UNC79: variants seen among roughly 807,000 people sequenced by gnomAD.
The protein encoded by UNC79 is unc-79 subunit of NALCN channel complex.
Under a neutral mutation model 283.1 loss-of-function variants are expected in UNC79, and 37 were observed. That is an observed-to-expected ratio of 0.13 (90% CI 0.10 to 0.17). The LOEUF (loss-of-function observed/expected upper bound fraction) is 0.17. Among genes scored for constraint, UNC79 ranks in the 10% least tolerant of loss-of-function variants. UNC79 has a pLI of 1.00. For synonymous variants in UNC79, 1,107 were observed against 1,200.2 expected (o/e 0.92, Z 1.61); for missense variants, 2,272 against 3,211.1 (o/e 0.71, Z 7.07).
intron 1 of UNC79, among the ~76,000 whole-genome samples, chr14:93,395,714 T>C (rs1288654362): frequency 6.6e-6 from 1 of 152,230 alleles, no homozygotes; most frequent in African/African-American, 2.4e-5. Flanking sequence ...CTTAGTACTT[T>C]GAATATGTCA....
At chr14:93,350,594 T>C (rs1310276574) in intron 1 of UNC79, among the ~76,000 whole-genome samples, 1 of 152,218 alleles carries the variant, frequency 6.6e-6, no homozygotes, top group Non-Finnish European at 1.5e-5. Flanking sequence ...ATAGTCTTTC[T>C]AAAGGTTAGC....
chr14:93,537,404 G>A (rs1276002466), intron 11 of UNC79, among the ~76,000 whole-genome samples: 1 of 152,232 alleles, frequency 6.6e-6, no homozygotes, highest in African/African-American at 2.4e-5. Context: ...AGTGCCGGTG[G>A]GCATGGGAAG....
intron 1 of UNC79, among the ~76,000 whole-genome samples, chr14:93,414,446 GA>G (rs992567942): frequency 6.6e-6 from 1 of 152,166 alleles, no homozygotes; most frequent in African/African-American, 2.4e-5. Context: ...AGTATAGTTT[GA>G]AGTCAGGTAG....
At chr14:93,499,939 T>C (rs539340950) in intron 7 of UNC79, among the ~76,000 whole-genome samples, 2 of 151,686 alleles carry the variant, frequency 1.3e-5, no homozygotes, top group East Asian at 3.9e-4. Flanking sequence ...GATAGCATGA[T>C]AGTATTTAGG....
chr14:93,460,155 C>T (rs867130208), intron 1 of UNC79, among the ~76,000 whole-genome samples: 6 of 125,188 alleles, frequency 4.8e-5, no homozygotes, highest in Admixed American at 4.2e-4. Flanking sequence ...GGTGAAACCC[C>T]GTCTCGCCAC....
intron 1 of UNC79, among the ~76,000 whole-genome samples, chr14:93,362,689 C>A (rs2054251030): frequency 1.3e-5 from 2 of 152,116 alleles, no homozygotes; most frequent in South Asian, 4.1e-4. Context: ...GTTCAGGGTT[C>A]CAATTTATTC....
chr14:93,477,949 T>C (rs1471584772), intron 4 of UNC79, among the ~76,000 whole-genome samples: 1 of 152,214 alleles, frequency 6.6e-6, no homozygotes, highest in Non-Finnish European at 1.5e-5. Flanking sequence ...GACTGTTTGA[T>C]CTTATAGAAT....
intron 24 of UNC79, among the ~76,000 whole-genome samples, chr14:93,598,146 C>G (rs1295794940): frequency 2.0e-5 from 3 of 152,028 alleles, no homozygotes; most frequent in African/African-American, 7.2e-5. Context: ...ATCACCACAC[C>G]CACCTAATTT....
chr14:93,353,751 C>T (rs948459209), intron 1 of UNC79, among the ~76,000 whole-genome samples: 1 of 152,188 alleles, frequency 6.6e-6, no homozygotes, highest in East Asian at 1.9e-4. Context: ...TATTTGATCA[C>T]GTTTGGACAC....
rs75291378 is a variant in UNC79, at chr14:93,698,898, A to G, written c.7548+4486A>G. 6.2e-4 allele frequency among the ~76,000 whole-genome samples: 95 copies of G among 152,308 alleles called. 2 individuals are homozygous for G. The East Asian group carries it at 0.016, about 25-fold the overall frequency. Reference sequence around the variant, plus strand: ...TTTAAATATGTACCATTTACTATATATGTATTATTGCACCACTGCACTTGA... The same window carrying G: ...TTTAAATATGTACCATTTACTATATGTGTATTATTGCACCACTGCACTTGA... On this transcript the variant is annotated intron_variant, in intron 47 of 48. Coordinates refer to ENST00000555664, the Ensembl canonical transcript of UNC79.
chr14:93,389,857 T>G (rs2054849549), intron 1 of UNC79, among the ~76,000 whole-genome samples: 2 of 152,312 alleles, frequency 1.3e-5, no homozygotes, highest in African/African-American at 4.8e-5. Flanking sequence ...TTTGCCATGT[T>G]GGCCAGGCTG....
chr14:93,478,138 C>G (rs557400491), intron 4 of UNC79, among the ~76,000 whole-genome samples: 2 of 152,144 alleles, frequency 1.3e-5, no homozygotes, highest in Non-Finnish European at 2.9e-5. Context: ...TGTGTAAATT[C>G]TGGTCCCAGC....
chr14:93,444,952 A>G (rs1385818913), intron 1 of UNC79, among the ~76,000 whole-genome samples: 1 of 152,180 alleles, frequency 6.6e-6, no homozygotes, highest in Non-Finnish European at 1.5e-5. Flanking sequence ...TTTCTTAACA[A>G]TCCTTGGAAT....
intron 38 of UNC79, among the ~76,000 whole-genome samples, chr14:93,655,655 A>AC (rs1200165384): frequency 5.3e-4 from 80 of 151,836 alleles, no homozygotes; most frequent in Middle Eastern, 3.4e-3. Context: ...AAAAAAAAAA[A>AC]AAAAAACAAA....
intron 39 of UNC79, among the ~76,000 whole-genome samples, chr14:93,659,880 G>A (rs1361527998): frequency 6.6e-6 from 1 of 152,120 alleles, no homozygotes; most frequent in Non-Finnish European, 1.5e-5. Context: ...TGCTGGTGTG[G>A]TGAACTCCTT....
At chr14:93,536,782 C>CCTTTT (rs1567069571) in intron 11 of UNC79, among the ~76,000 whole-genome samples, 10 of 82,434 alleles carry the variant, frequency 1.2e-4, no homozygotes, top group African/African-American at 1.3e-4. Flanking sequence ...CCACCCCCGG[C>CCTTTT]TTTTTTTTTT....
intron 14 of UNC79, among the ~76,000 whole-genome samples, chr14:93,546,286 C>T (rs2061598449): frequency 6.6e-6 from 1 of 152,176 alleles, no homozygotes; most frequent in Non-Finnish European, 1.5e-5. Context: ...ATCATTTAAA[C>T]TATAAGCTAA....
intron 47 of UNC79, among the ~76,000 whole-genome samples, chr14:93,703,621 A>T (rs1226688552): frequency 6.6e-6 from 1 of 152,248 alleles, no homozygotes; most frequent in Non-Finnish European, 1.5e-5. Flanking sequence ...TGCAGTGCAG[A>T]TTAGGACCTC....
intron 1 of UNC79, among the ~76,000 whole-genome samples, chr14:93,406,900 T>C (rs958799877): frequency 6.6e-6 from 1 of 152,178 alleles, no homozygotes; most frequent in Admixed American, 6.5e-5. Flanking sequence ...TATTCTGTTC[T>C]AGTTCTGGAG....
Sources: gnomAD v4.1 joint callset for allele counts (sites outside exome capture counted in the v4.1 genomes callset) on GRCh38, gnomAD v4.1.1 for gene constraint, MANE v1.5 for transcripts, NCBI Gene and HGNC (gene_info 2026-07-23, HGNC 2026-07-21) for gene names.